Variants in FAM13B observed in about 807,000 individuals in gnomAD.
FAM13B encodes the protein family with sequence similarity 13 member B.
FAM13B carries 60 observed loss-of-function variants against 117.3 expected under a neutral mutation model. The observed-to-expected ratio is 0.51, with a 90% CI of 0.42 to 0.63. The LOEUF (loss-of-function observed/expected upper bound fraction) is 0.63, where lower values mean the gene tolerates loss of function less well. Ranked by LOEUF, FAM13B falls within the 30% of genes least tolerant of loss-of-function variation. FAM13B has a pLI of 0.00. For synonymous variants in FAM13B, 332 were observed against 356.1 expected, an observed-to-expected ratio of 0.93 and a Z score of 0.76; for missense variants, 972 against 1,091.9, an observed-to-expected ratio of 0.89 and a Z score of 1.55.
At chr5:137,959,529 G>C (rs193201053) in intron 13 of FAM13B, 87 bp downstream of exon 13, 2 of 1,375,956 alleles carry the variant, frequency 1.5e-6, no homozygotes, top group East Asian at 4.6e-5. Flanking sequence ...AGGTTATCCA[G>C]AAAAGGGCTG....
At chr5:138,037,957 C>T (rs1467817438), upstream of FAM13B, among the ~76,000 whole-genome samples, 3 of 152,170 alleles carry the variant, frequency 2.0e-5, no homozygotes, top group Non-Finnish European at 2.9e-5. Context: ...TTAGATTCCC[C>T]ATTAGTCAAA....
chr5:137,950,345 C>G (rs1433397255), intron 17 of FAM13B, among the ~76,000 whole-genome samples: 1 of 152,174 alleles, frequency 6.6e-6, no homozygotes, highest in African/African-American at 2.4e-5. Flanking sequence ...GGAAGGGCAT[C>G]TGTCCCCAGT....
intron 17 of FAM13B, among the ~76,000 whole-genome samples, chr5:137,952,051 A>G (rs1390357670): frequency 6.6e-6 from 1 of 152,220 alleles, no homozygotes; most frequent in East Asian, 1.9e-4. Context: ...TCCAGATAAT[A>G]AACCCCTATT....
chr5:137,949,999 C>G (rs939901799), intron 17 of FAM13B, among the ~76,000 whole-genome samples: 1 of 151,942 alleles, frequency 6.6e-6, no homozygotes, highest in Non-Finnish European at 1.5e-5. Context: ...AAAGAGAGAA[C>G]AAGCTATTAT....
rs1295629018 is a variant in FAM13B, at chr5:137,942,943, A to G, written c.2520T>C (p.Ser840=). 1 of 1,613,622 alleles carries G rather than the reference A, an allele frequency of 6.2e-7. No individual in the cohort carries two copies. The highest frequency in any genetic ancestry group is 1.3e-5 in the African/African-American group (1 of 74,912). ...GTTTTTCTTGATTTTCTTCAACATC[A>G]GATTCAGAGTTTTCTAATGAAGACT... The part of the protein sequence containing the change: ...QVQSSLENSE[S]DVEENQEKLA... The change falls in exon 22 of 24, where the codon TCT becomes TCC. Residue 840 remains serine (S), a synonymous_variant. Coordinates refer to ENST00000689681, the MANE Select transcript of FAM13B (RefSeq NM_001385994.1).
intron 18 of FAM13B, 31 bp from the exon 19 acceptor site, chr5:137,946,342 C>CAAAAAAAAAAAAAACAAAAAAAAA: frequency 2.2e-6 from 2 of 919,178 alleles, no homozygotes; most frequent in African/African-American, 2.0e-5. Context: ...TAACAAAATA[C>CAAAAAAAAAAAAAACAAAAAAAAA]AAAAAAAAAA....
chr5:137,989,906 C>T (rs939200883), intron 7 of FAM13B, among the ~76,000 whole-genome samples: 2 of 151,902 alleles, frequency 1.3e-5, no homozygotes, highest in Non-Finnish European at 2.9e-5. Flanking sequence ...GAAAAAACCC[C>T]AAAACATGGT....
chr5:137,978,187 T>A (rs893323291), intron 10 of FAM13B, among the ~76,000 whole-genome samples: 5 of 152,220 alleles, frequency 3.3e-5, no homozygotes, highest in African/African-American at 1.2e-4. Context: ...TATCTAATCA[T>A]TTTCCATTTA....
chr5:138,026,226 T>A (rs1031399453), intron 1 of FAM13B, among the ~76,000 whole-genome samples: 3 of 152,212 alleles, frequency 2.0e-5, no homozygotes, highest in African/African-American at 7.2e-5. Flanking sequence ...GAAAATGTTC[T>A]ATGTCATAAC....
chr5:138,039,465 TC>T (rs2151124789), intron 1 of FAM13B: 1 of 152,252 alleles, frequency 6.6e-6, no homozygotes, highest in South Asian at 2.1e-4. Flanking sequence ...ACCTTTTTTT[TC>T]CCCTTTGAGT....
Position 137,945,962 on chromosome 5 carries a change from G to A in FAM13B, c.2280C>T (p.Leu760=). 6.2e-7 allele frequency: 1 copy of A among 1,613,584 alleles called. No individual in the cohort carries two copies. The highest frequency in any genetic ancestry group is 1.7e-5 in the Admixed American group (1 of 60,004). Residue 760 remains leucine, a synonymous_variant, in exon 20 of 24, where the codon CTC becomes CTT. Transcript: ENST00000689681. ...TKEERHIVKP[L]YDRYRLVKQM... is the part of the protein sequence containing the mutation. ...GTTTTACAAGCCTGTATCTATCATAGAGAGGTTTAACAATGTGCCTTTCTT... is the reference window on the plus strand; with the variant it reads ...GTTTTACAAGCCTGTATCTATCATAAAGAGGTTTAACAATGTGCCTTTCTT...
chr5:138,039,402 G>A (rs1456168065), intron 1 of FAM13B: 1 of 152,010 alleles, frequency 6.6e-6, no homozygotes, highest in African/African-American at 2.4e-5. Flanking sequence ...TTCCTTACAG[G>A]CTCTAGGCTT....
chr5:137,967,192 T>C (rs932178828), intron 10 of FAM13B, among the ~76,000 whole-genome samples: 9 of 151,750 alleles, frequency 5.9e-5, no homozygotes, highest in Admixed American at 5.3e-4. Flanking sequence ...GAAACAAATA[T>C]TTGCGACTGA....
At chr5:138,001,834 C>T (rs1781338254) in intron 7 of FAM13B, among the ~76,000 whole-genome samples, 1 of 152,060 alleles carries the variant, frequency 6.6e-6, no homozygotes, top group Admixed American at 6.5e-5. Context: ...TATAGAAGAA[C>T]AGTCCAGTGC....
intron 1 of FAM13B, among the ~76,000 whole-genome samples, chr5:138,051,636 C>T (rs1791803662): frequency 1.3e-5 from 2 of 152,040 alleles, no homozygotes; most frequent in African/African-American, 4.8e-5. Context: ...TCTTCATTTT[C>T]ATCACAAAAG....
At chr5:137,988,832 T>C (rs1581185267) in intron 7 of FAM13B, among the ~76,000 whole-genome samples, 2 of 152,314 alleles carry the variant, frequency 1.3e-5, no homozygotes, top group East Asian at 3.9e-4. Context: ...ATGAACCTAA[T>C]TTTCTAAAGA....
intron 17 of FAM13B, among the ~76,000 whole-genome samples, chr5:137,951,213 A>AC (rs1274273335): frequency 1.3e-5 from 2 of 148,158 alleles, no homozygotes; most frequent in Non-Finnish European, 3.0e-5. Flanking sequence ...CTCAAACAAA[A>AC]AAAAAAAAAA....
At chr5:137,979,282 G>A (rs1774950197) in intron 10 of FAM13B, among the ~76,000 whole-genome samples, 2 of 152,144 alleles carry the variant, frequency 1.3e-5, no homozygotes, top group Admixed American at 1.3e-4. Context: ...CAAAGTGCAA[G>A]GATTACAGGC....
intron 17 of FAM13B, among the ~76,000 whole-genome samples, chr5:137,949,988 A>C (rs1265043194): frequency 3.9e-5 from 6 of 152,108 alleles, no homozygotes; most frequent in Admixed American, 3.9e-4. Flanking sequence ...CAACAACAAA[A>C]AAAGAGAGAA....
Sources: allele counts gnomAD v4.1 joint callset (sites outside exome capture counted in the v4.1 genomes callset), GRCh38; gene constraint gnomAD v4.1.1; transcripts MANE v1.5; gene names NCBI Gene and HGNC (gene_info 2026-07-23, HGNC 2026-07-21).